Variants in IFNGR2 observed in about 807,000 individuals in gnomAD.
The protein encoded by IFNGR2 is IFN-gamma receptor 2.
Under a neutral mutation model 41.1 loss-of-function variants are expected in IFNGR2, and 15 were observed. The observed-to-expected ratio is 0.37, with a 90% CI of 0.24 to 0.56. The LOEUF (loss-of-function observed/expected upper bound fraction) is 0.56, where lower values mean the gene tolerates loss of function less well. IFNGR2 is among the 20% of genes least tolerant of loss of function. The pLI, the probability that IFNGR2 is intolerant of heterozygous loss-of-function variation, is 0.81. For missense variants in IFNGR2, 362 were observed against 415.7 expected (o/e 0.87, Z 1.12); for synonymous variants, 161 against 171.6 (o/e 0.94, Z 0.48).
intron 2 of IFNGR2, among the ~76,000 whole-genome samples, chr21:33,419,162 G>A (rs982444960): frequency 6.6e-6 from 1 of 152,172 alleles, no homozygotes; most frequent in African/African-American, 2.4e-5. Flanking sequence ...CTGGACTGCA[G>A]TGGCGTGATC....
intron 4 of IFNGR2, among the ~76,000 whole-genome samples, chr21:33,430,313 A>G (rs1466274723): frequency 6.6e-6 from 1 of 152,234 alleles, no homozygotes; most frequent in Non-Finnish European, 1.5e-5. Flanking sequence ...CCCAAAGGGA[A>G]TTTTTGTCCT....
rs1013471054 is a variant in IFNGR2, at chr21:33,432,951, T to A, written c.879+80T>A. 9 of 1,205,174 alleles carry A rather than the reference T, an allele frequency of 7.5e-6. No homozygotes were observed. In the African/African-American group the frequency reaches 1.2e-4, roughly 16 times the overall value. The allele number at this position is 1,205,174 out of a possible 1,614,324, so 74.7% of individuals were successfully genotyped here. A position where few individuals can be genotyped will look rare whatever the true frequency, so the allele number is the denominator to read the frequency against. On this transcript the variant is annotated intron_variant, in intron 6 of 6. Coordinates refer to ENST00000290219, the MANE Select transcript of IFNGR2 (RefSeq NM_005534.4). ...CCCAGGCGGGAGTGTCATGGTACAA[T>A]CTCTGCTCACTGCAGCCTCCATCTC...
intron 4 of IFNGR2, among the ~76,000 whole-genome samples, chr21:33,428,524 C>A (rs564274895): frequency 6.6e-6 from 1 of 152,262 alleles, no homozygotes; most frequent in South Asian, 2.1e-4. Context: ...CCGTTCCCAG[C>A]CTCCTCTTCA....
chr21:33,421,919 T>A (rs2083796402), intron 3 of IFNGR2, among the ~76,000 whole-genome samples: 1 of 152,208 alleles, frequency 6.6e-6, no homozygotes, highest in Non-Finnish European at 1.5e-5. Context: ...CCACTTGTTT[T>A]TGTAAATAAA....
rs750951592 is a variant in IFNGR2 at position 33,414,905 on chromosome 21, C to T, written c.91C>T (p.Pro31Ser). ...CCCTCAAGACCCTCTTTCCCAGCTG[C>T]CCGCTCCTCAGCACCCGAAGATTCG... The part of the protein sequence containing the change: ...AAPPDPLSQL[P>S]APQHPKIRLY... The change falls in exon 2 of 7, where the codon CCC becomes TCC. Residue 31 changes from proline to serine, a missense_variant. Pro to Ser is a moderately conservative substitution (Grantham distance 74, BLOSUM62 -1). Transcript: ENST00000290219. 1.9e-6 allele frequency: 3 copies of T among 1,614,044 alleles called. No individual in the cohort carries two copies. Among genetic ancestry groups the T allele is most frequent in the Admixed American group, 1.7e-5 (1 of 59,990 alleles).
At chr21:33,415,773 G>A (rs569426604) in intron 2 of IFNGR2, among the ~76,000 whole-genome samples, 134 of 152,334 alleles carry the variant, frequency 8.8e-4, no homozygotes, top group African/African-American at 3.0e-3. Flanking sequence ...CCCTTTCAAA[G>A]AGGAATTCTA....
chr21:33,421,814 A>T, intron 3 of IFNGR2, 129 bp downstream of exon 3: 1 of 794,478 alleles, frequency 1.3e-6, no homozygotes, highest in Non-Finnish European at 2.2e-6. Flanking sequence ...AGGACAGTCA[A>T]ACCCACACTC....
At chr21:33,427,762 GATA>G in intron 4 of IFNGR2, among the ~76,000 whole-genome samples, 1 of 150,210 alleles carries the variant, frequency 6.7e-6, no homozygotes, top group African/African-American at 2.4e-5. Context: ...GATGGTTTTT[GATA>G]ATAAGAGCTT....
intron 1 of IFNGR2, among the ~76,000 whole-genome samples, chr21:33,408,798 C>T (rs2268242): frequency 0.21 from 31,301 of 152,068 alleles, 4,014 homozygotes; most frequent in East Asian, 0.42. Flanking sequence ...TGTTATAGGA[C>T]ACTACTTGCC....
intron 1 of IFNGR2, among the ~76,000 whole-genome samples, chr21:33,406,447 C>T (rs1225713701): frequency 6.6e-6 from 1 of 152,008 alleles, no homozygotes; most frequent in Non-Finnish European, 1.5e-5. Flanking sequence ...ACTATTTGAA[C>T]ATTTTCACAT....
chr21:33,432,027 G>A (rs548136698), intron 4 of IFNGR2, 150 bp from the exon 5 acceptor site: 1 of 719,770 alleles, frequency 1.4e-6, no homozygotes, highest in East Asian at 2.6e-5. Flanking sequence ...CACATAAAAT[G>A]TGTCCACTGC....
chr21:33,421,443 A>T, intron 2 of IFNGR2, 37 bp from the exon 3 acceptor site: 1 of 1,538,536 alleles, frequency 6.5e-7, no homozygotes, highest in Non-Finnish European at 9.0e-7. Context: ...CATGAAACAG[A>T]GAATTCTGTG....
intron 2 of IFNGR2, among the ~76,000 whole-genome samples, chr21:33,415,445 T>C (rs756176766): frequency 3.3e-5 from 5 of 152,186 alleles, no homozygotes; most frequent in Non-Finnish European, 5.9e-5. Context: ...GAATTCTGAG[T>C]TTCTCAACTG....
At chr21:33,406,232 C>T (rs903615996) in intron 1 of IFNGR2, among the ~76,000 whole-genome samples, 2 of 151,766 alleles carry the variant, frequency 1.3e-5, no homozygotes, top group African/African-American at 2.4e-5. Flanking sequence ...GAAAATTACC[C>T]GGGCGTGGTG....
At chr21:33,420,631 T>C (rs2083784927) in intron 2 of IFNGR2, among the ~76,000 whole-genome samples, 1 of 152,188 alleles carries the variant, frequency 6.6e-6, no homozygotes, top group South Asian at 2.1e-4. Context: ...GTTTGAAGTA[T>C]TAAAATCAGT....
chr21:33,412,886 G>C lies in IFNGR2; in HGVS notation c.74-2002G>C, dbSNP rs2083727057. ...TTATTTCTATCTTGTCTCATTTACA[G>C]TTTGGTCCGGAGAGCTGCCTTAGAC... On this transcript the variant is annotated intron_variant, in intron 1 of 6. Coordinates refer to ENST00000290219, the MANE Select transcript of IFNGR2 (RefSeq NM_005534.4). Among the ~76,000 whole-genome samples, 3 of 152,170 alleles carry C rather than the reference G, an allele frequency of 2.0e-5. No homozygotes were observed. The South Asian group carries it at 6.2e-4, about 32-fold the overall frequency.
At chr21:33,426,225 C>T (rs2083834595) in intron 3 of IFNGR2, among the ~76,000 whole-genome samples, 1 of 151,908 alleles carries the variant, frequency 6.6e-6, no homozygotes, top group Non-Finnish European at 1.5e-5. Context: ...CCAGCCTGGC[C>T]AACATAGTGA....
intron 1 of IFNGR2, among the ~76,000 whole-genome samples, chr21:33,414,517 G>A (rs2123338601): frequency 6.6e-6 from 1 of 152,278 alleles, no homozygotes; most frequent in Admixed American, 6.5e-5. Context: ...TCCTGAAAAA[G>A]AAAACTCAAG....
rs1408582007 is a variant in IFNGR2, at chr21:33,403,568, C to T, written c.25C>T (p.Leu9=). 2 of 1,355,596 alleles carry T rather than the reference C, an allele frequency of 1.5e-6. No homozygotes were observed. The highest frequency in any genetic ancestry group is 3.0e-5 in the African/African-American group (2 of 65,718). The allele number at this position is 1,355,596 out of a possible 1,614,324, so 84.0% of individuals were successfully genotyped here. The change falls in exon 1 of 7, where the codon CTG becomes TTG. Residue 9 remains leucine, a synonymous_variant. Transcript: ENST00000290219. ...CATGCGACCGACGCTGCTGTGGTCGCTGCTGCTGCTGCTCGGAGTCTTCGC... is the reference window on the plus strand; with the variant it reads ...CATGCGACCGACGCTGCTGTGGTCGTTGCTGCTGCTGCTCGGAGTCTTCGC... MRPTLLWS[L]LLLLGVFAAA... is the part of the protein sequence containing the mutation.
Sources: allele counts gnomAD v4.1 joint callset (sites outside exome capture counted in the v4.1 genomes callset), GRCh38; gene constraint gnomAD v4.1.1; transcripts MANE v1.5; gene names NCBI Gene and HGNC (gene_info 2026-07-23, HGNC 2026-07-21).